PREX2: variants seen among roughly 807,000 people sequenced by gnomAD.
PREX2 encodes the protein phosphatidylinositol 3,4,5-trisphosphate-dependent Rac exchanger 2 protein.
In PREX2, 107 loss-of-function variants were observed where a neutral mutation model predicts 203.2. The observed-to-expected ratio is 0.53, with a 90% CI of 0.45 to 0.62. The LOEUF (loss-of-function observed/expected upper bound fraction) is 0.62, where lower values mean the gene tolerates loss of function less well. Ranked by LOEUF, PREX2 falls within the 20% of genes least tolerant of loss-of-function variation. The pLI is 0.00. For missense variants in PREX2, 1,777 were observed against 1,955.9 expected (o/e 0.91, Z 1.72); for synonymous variants, 672 against 663.6 (o/e 1.01, Z -0.19).
chr8:68,181,845 G>A (rs1343601456), intron 35 of PREX2, among the ~76,000 whole-genome samples: 1 of 152,060 alleles, frequency 6.6e-6, no homozygotes, highest in Non-Finnish European at 1.5e-5. Context: ...TGTGTGTTGG[G>A]ATAAAAGAGA....
intron 23 of PREX2, chr8:68,103,434 G>A: frequency 2.1e-6 from 1 of 471,458 alleles, no homozygotes; most frequent in Non-Finnish European, 4.2e-6. Context: ...AGCTACCAAT[G>A]CATTAAAAAC....
chr8:67,960,249 C>G (rs1244091612), intron 1 of PREX2, among the ~76,000 whole-genome samples: 1 of 152,110 alleles, frequency 6.6e-6, no homozygotes, highest in Admixed American at 6.6e-5. Flanking sequence ...ACCGTGTTGT[C>G]CAGGCTGGTC....
chr8:68,102,766 G>GTT, intron 23 of PREX2: 1 of 503,378 alleles, frequency 2.0e-6, no homozygotes, highest in Non-Finnish European at 3.9e-6. Flanking sequence ...GATTGCTATA[G>GTT]TTTCTGTAGT....
chr8:68,108,452 G>C, intron 24 of PREX2, 121 bp downstream of exon 24: 1 of 669,770 alleles, frequency 1.5e-6, no homozygotes, highest in Non-Finnish European at 2.5e-6. Context: ...CTTTTATAAA[G>C]GAAGGATTTC....
At chr8:68,109,099 A>T in intron 24 of PREX2, 1 of 437,288 alleles carries the variant, frequency 2.3e-6, no homozygotes, top group Non-Finnish European at 4.3e-6. Flanking sequence ...AATTTCAATC[A>T]GATAAGAGGA....
intron 35 of PREX2, among the ~76,000 whole-genome samples, chr8:68,188,666 G>A (rs1812237121): frequency 1.3e-5 from 2 of 152,204 alleles, no homozygotes; most frequent in East Asian, 3.8e-4. Context: ...ATGGAGGCAG[G>A]CAAGAGAGCT....
At chr8:67,976,576 CAG>C (rs1194672489) in intron 1 of PREX2, among the ~76,000 whole-genome samples, 1 of 43,944 alleles carries the variant, frequency 2.3e-5, no homozygotes, top group Non-Finnish European at 4.5e-5. Context: ...GAGACAGAGA[CAG>C]AGAGAGAGAT....
chr8:68,122,417 T>C (rs1810794142), intron 30 of PREX2, among the ~76,000 whole-genome samples: 1 of 152,078 alleles, frequency 6.6e-6, no homozygotes, highest in African/African-American at 2.4e-5. Flanking sequence ...AAAGTCTGAA[T>C]TTAAAATTCC....
chr8:68,224,675 T>C lies in PREX2; in HGVS notation c.4775+49T>C, dbSNP rs754775875. 8 of 1,440,314 alleles carry C rather than the reference T, an allele frequency of 5.6e-6. No individual in the cohort carries two copies. In the African/African-American group the frequency reaches 9.8e-5, roughly 18 times the overall value. 89.2% of individuals were successfully genotyped at this position (1,440,314 alleles called of 1,614,324 possible). ...CTTGCCCGAAAGATTTGCCAGCATTTTCCCCGGCAGTGTCCCTCCGCTAAT... is the reference window on the plus strand; with the variant it reads ...CTTGCCCGAAAGATTTGCCAGCATTCTCCCCGGCAGTGTCCCTCCGCTAAT... On this transcript the variant is annotated intron_variant, in intron 39 of 39. Coordinates refer to ENST00000288368, the MANE Select transcript of PREX2 (RefSeq NM_024870.4).
intron 9 of PREX2, among the ~76,000 whole-genome samples, chr8:68,055,431 G>C (rs1168319033): frequency 1.3e-5 from 2 of 150,382 alleles, no homozygotes; most frequent in Non-Finnish European, 2.9e-5. Flanking sequence ...AGGTGAGGTA[G>C]GCTGAGTATG....
rs769509320 is a variant in PREX2, at chr8:68,097,059, A to G, written c.2411A>G (p.Lys804Arg). ...AACACTATGGCCATCATTGATGGGA[A>G]GAAGGAGCATGTGAGTCTGACAGTG... ...KFNTMAIIDG[K>R]KEHVSLTVDN... is the part of the protein sequence containing the mutation. Residue 804 changes from lysine to arginine, a missense_variant, in exon 22 of 40, where the codon AAG becomes AGG. Physicochemically the swap from Lys to Arg is conservative, Grantham distance 26 (BLOSUM62 2). Transcript: ENST00000288368. The G allele has an allele frequency of 6.2e-7, 1 of 1,613,974 alleles. No individual in the cohort carries two copies. Among genetic ancestry groups the G allele is most frequent in the East Asian group, 2.2e-5 (1 of 44,854 alleles).
intron 9 of PREX2, among the ~76,000 whole-genome samples, chr8:68,053,835 C>T (rs546430141): frequency 1.1e-4 from 16 of 152,240 alleles, no homozygotes; most frequent in Middle Eastern, 3.4e-3. Flanking sequence ...ATGAGGAGGC[C>T]TAGCTCCAAT....
At chr8:68,052,941 T>C (rs543913071) in intron 8 of PREX2, among the ~76,000 whole-genome samples, 156 bp from the exon 9 acceptor site, 1 of 152,272 alleles carries the variant, frequency 6.6e-6, no homozygotes, top group African/African-American at 2.4e-5. Context: ...ATTCTTAAAG[T>C]TTTTAAATGT....
rs557021246 is a variant in PREX2 at position 68,017,817 on chromosome 8, C to T, written c.142-29C>T. On this transcript the variant is annotated intron_variant, in intron 1 of 39. Transcript: ENST00000288368. The stretch of plus-strand genomic sequence containing the variant: ...CAGTCATTTTATTAACCTAATGTTA[C>T]CTTCATAATGTCTTCTTGTTTCATG... The T allele has an allele frequency of 2.5e-6, 4 of 1,588,974 alleles. No individual in the cohort carries two copies. In the East Asian group the frequency reaches 9.1e-5, roughly 36 times the overall value.
intron 37 of PREX2, among the ~76,000 whole-genome samples, chr8:68,209,307 A>G (rs1812702216): frequency 6.6e-6 from 1 of 152,160 alleles, no homozygotes; most frequent in Admixed American, 6.5e-5. Context: ...TTAGATTACT[A>G]ATAACTTGTT....
At chr8:68,224,679 C>A in intron 39 of PREX2, 53 bp downstream of exon 39, 1 of 1,345,620 alleles carries the variant, frequency 7.4e-7, no homozygotes. Context: ...AGCATTTTCC[C>A]CGGCAGTGTC....
intron 34 of PREX2, among the ~76,000 whole-genome samples, chr8:68,154,067 C>T (rs892004977): frequency 6.6e-6 from 1 of 152,194 alleles, no homozygotes; most frequent in African/African-American, 2.4e-5. Flanking sequence ...CAGGTGGTTT[C>T]CCCCAAGCCC....
At chr8:68,013,901 A>C (rs1403926728) in intron 1 of PREX2, among the ~76,000 whole-genome samples, 2 of 152,204 alleles carry the variant, frequency 1.3e-5, no homozygotes, top group Non-Finnish European at 2.9e-5. Context: ...GTATGATACA[A>C]AATTCAGATT....
intron 35 of PREX2, among the ~76,000 whole-genome samples, chr8:68,179,852 AG>A (rs1360393697): frequency 6.6e-6 from 1 of 152,148 alleles, no homozygotes; most frequent in Non-Finnish European, 1.5e-5. Flanking sequence ...TGAATGCCAC[AG>A]GGTTTCAGGA....
Sources: allele counts gnomAD v4.1 joint callset (sites outside exome capture counted in the v4.1 genomes callset), GRCh38; gene constraint gnomAD v4.1.1; transcripts MANE v1.5; gene names NCBI Gene and HGNC (gene_info 2026-07-23, HGNC 2026-07-21).